The following RBFOX1 variants were observed in gnomAD, a reference collection of about 807,000 sequenced individuals.
The protein encoded by RBFOX1 is RNA binding fox-1 homolog 1.
In RBFOX1, 8 loss-of-function variants were observed where a neutral mutation model predicts 57.7. The ratio of observed to expected loss-of-function variants is 0.14; its 90% CI spans 0.08 to 0.25. RBFOX1 has a LOEUF of 0.25. Among genes scored for constraint, RBFOX1 ranks in the 10% least tolerant of loss-of-function variants. RBFOX1 has a pLI of 1.00. For synonymous variants in RBFOX1, 326 were observed against 222.4 expected (o/e 1.47, Z -4.15); for missense variants, 611 against 548.5 (o/e 1.11, Z -1.14).
intron 1 of RBFOX1, among the ~76,000 whole-genome samples, chr16:6,233,236 C>T (rs2097479120): frequency 6.6e-6 from 1 of 152,116 alleles, no homozygotes; most frequent in Non-Finnish European, 1.5e-5. Context: ...GCCCCTTTAG[C>T]TGCACTTGAA....
chr16:6,567,966 G>A (rs776242012), intron 2 of RBFOX1, among the ~76,000 whole-genome samples: 13 of 152,054 alleles, frequency 8.5e-5, no homozygotes, highest in South Asian at 2.1e-4. Context: ...GACTACAGGC[G>A]CATGCCACCA....
At position 6,908,788 on chromosome 16, in the gene RBFOX1, C is replaced by G. The variant is rs539910826; in HGVS notation, c.-15-143269C>G. ...CTGGGACCAAGTGCTTACTGTCTCT[C>G]TGCCCAGTTACCTCATTGATAAATG... On this transcript the variant is annotated intron_variant, in intron 3 of 15. Transcript: ENST00000550418. 6.6e-5 allele frequency among the ~76,000 whole-genome samples: 10 copies of G among 152,278 alleles called. 1 individual carries two copies. The East Asian group carries it at 1.7e-3, about 26-fold the overall frequency.
intron 1 of RBFOX1, among the ~76,000 whole-genome samples, chr16:5,389,360 T>A (rs1271623026): frequency 6.6e-6 from 1 of 152,140 alleles, no homozygotes; most frequent in Non-Finnish European, 1.5e-5. Flanking sequence ...TGGGGCTGGA[T>A]CATTCTGTTG....
intron 2 of RBFOX1, among the ~76,000 whole-genome samples, chr16:6,364,734 T>C (rs952102971): frequency 4.6e-5 from 7 of 152,216 alleles, no homozygotes; most frequent in African/African-American, 1.7e-4. Context: ...ATTACACATT[T>C]AAACCCCACA....
intron 5 of RBFOX1, among the ~76,000 whole-genome samples, chr16:7,558,751 C>G (rs990884982): frequency 1.3e-5 from 2 of 152,186 alleles, no homozygotes; most frequent in Admixed American, 6.5e-5. Flanking sequence ...ATGTGCATTT[C>G]TAAAGAGCAT....
chr16:5,417,227 G>T (rs2067185347), intron 1 of RBFOX1, among the ~76,000 whole-genome samples: 1 of 152,184 alleles, frequency 6.6e-6, no homozygotes, highest in African/African-American at 2.4e-5. Context: ...GAAGATTAGT[G>T]TTAATTTCTG....
rs573147431 is a variant in RBFOX1 at position 7,059,045 on chromosome 16, C to G, written c.27+6947C>G. Among the ~76,000 whole-genome samples the G allele has an allele frequency of 3.9e-5, 6 of 152,300 alleles. No homozygotes were observed. In the East Asian group the frequency reaches 5.8e-4, roughly 15 times the overall value. On this transcript the variant is annotated intron_variant, in intron 4 of 15. Coordinates refer to ENST00000550418, the MANE Select transcript of RBFOX1 (RefSeq NM_018723.4). ...CCAGTTACAAGCGAGTTTCTCATTT[C>G]TGCTAGATATGAGAGTGATGTGGAT...
rs1478790962 is a variant in RBFOX1 at position 5,984,797 on chromosome 16, C to G, written c.351+117462C>G. On this transcript the variant is annotated intron_variant, in intron 4 of 19. Coordinates refer to the RBFOX1 transcript ENST00000641259. ...TATGTTCTGGCCTTTTGCTCCTAGG[C>G]TACAAACTTATATGGCGTTTTTCTG... Among the ~76,000 whole-genome samples the G allele has an allele frequency of 2.6e-5, 4 of 151,712 alleles. No individual in the cohort carries two copies. In the East Asian group the frequency reaches 7.8e-4, roughly 29 times the overall value.
intron 2 of RBFOX1, among the ~76,000 whole-genome samples, chr16:5,543,254 G>T (rs2045041475): frequency 6.6e-6 from 1 of 152,048 alleles, no homozygotes; most frequent in Non-Finnish European, 1.5e-5. Context: ...TGTATCAGTT[G>T]GAATTAATAA....
intron 3 of RBFOX1, among the ~76,000 whole-genome samples, chr16:6,773,180 G>A (rs201555285): frequency 3.7e-5 from 4 of 107,436 alleles, no homozygotes; most frequent in Admixed American, 9.8e-5. Flanking sequence ...TTGTGTGTGT[G>A]TGTGTGGGCA....
intron 2 of RBFOX1, among the ~76,000 whole-genome samples, chr16:5,583,464 G>A (rs1408642151): frequency 1.3e-5 from 2 of 152,206 alleles, no homozygotes; most frequent in Non-Finnish European, 2.9e-5. Flanking sequence ...AACCAAGCTC[G>A]CTTCTGATTC....
chr16:7,156,221 TATATATATATACACACAC>T (rs2077094568), intron 4 of RBFOX1, among the ~76,000 whole-genome samples: 1 of 149,168 alleles, frequency 6.7e-6, no homozygotes, highest in Admixed American at 6.6e-5. Context: ...TGGAAGTCCA[TATATATATATACACACAC>T]ATATATATGT....
intron 1 of RBFOX1, among the ~76,000 whole-genome samples, chr16:6,140,953 C>G (rs988147089): frequency 6.6e-6 from 1 of 151,456 alleles, no homozygotes; most frequent in Admixed American, 6.6e-5. Context: ...AGTCTCAGCT[C>G]GTATTCTCCC....
At chr16:6,985,345 C>G (rs190321549) in intron 3 of RBFOX1, among the ~76,000 whole-genome samples, 6 of 152,228 alleles carry the variant, frequency 3.9e-5, no homozygotes, top group Admixed American at 2.6e-4. Flanking sequence ...ATGCTGCACA[C>G]ACATACATAC....
At chr16:5,253,174 A>T (rs1418642701) in intron 1 of RBFOX1, among the ~76,000 whole-genome samples, 1 of 151,078 alleles carries the variant, frequency 6.6e-6, no homozygotes, top group African/African-American at 2.4e-5. Context: ...TTTGAGACTG[A>T]ATTTCACTTT....
chr16:6,691,058 T>C (rs1244322398), intron 3 of RBFOX1, among the ~76,000 whole-genome samples: 1 of 152,198 alleles, frequency 6.6e-6, no homozygotes, highest in Non-Finnish European at 1.5e-5. Context: ...ATCATGTTCC[T>C]TCTGATTGTT....
At chr16:7,641,772 G>A (rs189026416) in intron 11 of RBFOX1, among the ~76,000 whole-genome samples, 3 of 152,246 alleles carry the variant, frequency 2.0e-5, no homozygotes, top group Non-Finnish European at 2.9e-5. Context: ...AAACTGTCAC[G>A]GTAGACTAGT....
intron 3 of RBFOX1, among the ~76,000 whole-genome samples, chr16:6,834,467 G>T (rs1262374528): frequency 1.3e-5 from 2 of 151,942 alleles, no homozygotes; most frequent in East Asian, 3.9e-4. Flanking sequence ...CTATAGCCTT[G>T]CCTGGTACAG....
At chr16:6,037,091 C>G (rs1280941784) in intron 1 of RBFOX1, 1 of 152,194 alleles carries the variant, frequency 6.6e-6, no homozygotes, top group Non-Finnish European at 1.5e-5. Flanking sequence ...ATACTTACCT[C>G]TTACTTAGCA....
Sources: allele counts gnomAD v4.1 joint callset (sites outside exome capture counted in the v4.1 genomes callset), GRCh38; gene constraint gnomAD v4.1.1; transcripts MANE v1.5; gene names NCBI Gene and HGNC (gene_info 2026-07-23, HGNC 2026-07-21).